Variants in HDAC9 observed in about 807,000 individuals in gnomAD.
The protein encoded by HDAC9 is histone deacetylase 9, also known as MEF-2 interacting transcription repressor (MITR) protein.
A neutral mutation model predicts 139.4 loss-of-function variants in HDAC9; 41 were observed. The observed-to-expected ratio is 0.29, with a 90% CI of 0.23 to 0.38. The LOEUF is 0.38. HDAC9 is among the 10% of genes least tolerant of loss of function. The pLI is 1.00. For synonymous variants in HDAC9, 517 were observed against 476.2 expected (o/e 1.09, Z -1.12); for missense variants, 1,147 against 1,297.0 (o/e 0.88, Z 1.78).
At chr7:18,551,066 G>A (rs1333167426) in intron 2 of HDAC9, among the ~76,000 whole-genome samples, 1 of 152,176 alleles carries the variant, frequency 6.6e-6, no homozygotes, top group African/African-American at 2.4e-5. Context: ...TTTGAAGATA[G>A]AGTCAAAGGG....
In HDAC9 at chr7:18,976,001, T is replaced by G. The variant is rs1181225504; in HGVS notation, c.3170+48T>G. ...TAATCCGGGTCAGTCATATCCAGGC[T>G]CATCGTTGATATTTGTGAATCTTCC... is the stretch of plus-strand genomic sequence containing the variant. On this transcript the variant is annotated intron_variant, in intron 25 of 25. Coordinates refer to ENST00000686413, the MANE Select transcript of HDAC9 (RefSeq NM_178425.4). 35 of 1,568,222 alleles carry G rather than the reference T, an allele frequency of 2.2e-5. No individual in the cohort carries two copies. The Admixed American group carries it at 5.0e-4, about 22-fold the overall frequency.
chr7:18,897,392 TA>T (rs1801300625), intron 22 of HDAC9, among the ~76,000 whole-genome samples: 1 of 151,978 alleles, frequency 6.6e-6, no homozygotes, highest in East Asian at 1.9e-4. Flanking sequence ...TAGGACTTTA[TA>T]ACTTTTTCCT....
chr7:18,136,378 C>A (rs1446525529), intron 1 of HDAC9, among the ~76,000 whole-genome samples: 1 of 152,088 alleles, frequency 6.6e-6, no homozygotes, highest in Non-Finnish European at 1.5e-5. Flanking sequence ...AGTCCTTGCC[C>A]ATGCCTGTGT....
At chr7:18,558,474 A>G (rs952142804) in intron 2 of HDAC9, among the ~76,000 whole-genome samples, 4 of 152,170 alleles carry the variant, frequency 2.6e-5, no homozygotes, top group African/African-American at 4.8e-5. Flanking sequence ...TGTATCCACC[A>G]TACTCTACAG....
chr7:18,722,905 T>C (rs939395170), intron 12 of HDAC9, among the ~76,000 whole-genome samples: 4 of 152,220 alleles, frequency 2.6e-5, no homozygotes, highest in African/African-American at 9.6e-5. Flanking sequence ...GTTTGGAAGA[T>C]TTAACTGTTT....
Position 18,954,186 on chromosome 7 carries a change from A to T in HDAC9, c.2978A>T (p.Asn993Ile). 6.4e-7 allele frequency: 1 copy of T among 1,571,438 alleles called. No homozygotes were observed. The highest frequency in any genetic ancestry group is 8.7e-7 in the Non-Finnish European group (1 of 1,151,618). ...GAAGATATTCTCCACCAAAGCCCGA[A>T]TATGAATGCTGTTATTTCTTTACAG... ...LAEDILHQSP[N>I]MNAVISLQKI... Residue 993 changes from asparagine (N) to isoleucine (I), a missense_variant, in exon 24 of 26, where the codon AAT (asparagine) becomes ATT (isoleucine). Physicochemically the swap from Asn to Ile is moderately radical, Grantham distance 149. Transcript: ENST00000686413.
rs141117113 is a variant in HDAC9, at chr7:18,966,644, T to C, written c.3023-9162T>C. On this transcript the variant is annotated intron_variant, in intron 24 of 25. Transcript: ENST00000686413. ...TGAACCCGGGAGGCAGAGGTTACCA[T>C]GAATGGAGATTGCACCACCGCGCTC... Among the ~76,000 whole-genome samples the C allele has an allele frequency of 2.6e-4, 39 of 152,146 alleles. No individual in the cohort carries two copies. The East Asian group carries it at 7.3e-3, about 29-fold the overall frequency.
At chr7:18,387,237 C>A (rs565870436) in intron 1 of HDAC9, among the ~76,000 whole-genome samples, 3 of 152,310 alleles carry the variant, frequency 2.0e-5, no homozygotes, top group African/African-American at 7.2e-5. Flanking sequence ...CCACAGCTTT[C>A]TGTCCATCAC....
At chr7:18,265,729 A>G (rs1168922572) in intron 2 of HDAC9, among the ~76,000 whole-genome samples, 1 of 152,162 alleles carries the variant, frequency 6.6e-6, no homozygotes, top group Non-Finnish European at 1.5e-5. Flanking sequence ...CAGTGTTTGC[A>G]TTGTTGCAAA....
chr7:18,827,531 T>A (rs905699572), intron 17 of HDAC9, among the ~76,000 whole-genome samples: 5 of 152,168 alleles, frequency 3.3e-5, no homozygotes. Context: ...AAAATTTAAT[T>A]TCCAGGGTAG....
At chr7:18,645,046 A>AT (rs1786936498) in intron 9 of HDAC9, among the ~76,000 whole-genome samples, 1 of 152,100 alleles carries the variant, frequency 6.6e-6, no homozygotes, top group Non-Finnish European at 1.5e-5. Flanking sequence ...TTAAAAAAAA[A>AT]GCACTTTCCA....
chr7:18,275,735 G>A (rs1305460568), intron 2 of HDAC9, among the ~76,000 whole-genome samples: 4 of 151,932 alleles, frequency 2.6e-5, no homozygotes, highest in African/African-American at 7.3e-5. Context: ...TCCCTTCCTC[G>A]GGTGTTTTCT....
intron 19 of HDAC9, among the ~76,000 whole-genome samples, chr7:18,830,726 T>C (rs1251986461): frequency 2.0e-5 from 3 of 152,188 alleles, no homozygotes; most frequent in Non-Finnish European, 4.4e-5. Flanking sequence ...GCAAGCACTT[T>C]GGAGAGAAGA....
intron 2 of HDAC9, among the ~76,000 whole-genome samples, chr7:18,540,111 A>G (rs1016747060): frequency 3.3e-5 from 5 of 150,096 alleles, no homozygotes; most frequent in Admixed American, 6.6e-5. Context: ...TACAAAAAAA[A>G]AAAAAAAAAA....
chr7:18,709,218 G>A (rs115777273), intron 12 of HDAC9, among the ~76,000 whole-genome samples: 7,669 of 151,958 alleles, frequency 0.05, 532 homozygotes, highest in African/African-American at 0.16. Context: ...GCAGGCCCTG[G>A]TGTGTGTGTA....
At chr7:18,576,692 A>G (rs973372040) in intron 2 of HDAC9, among the ~76,000 whole-genome samples, 1 of 151,898 alleles carries the variant, frequency 6.6e-6, no homozygotes, top group Non-Finnish European at 1.5e-5. Context: ...AGGAAAGATA[A>G]TTTCTATCAA....
In HDAC9 at chr7:18,570,386, A is replaced by G. The variant is rs762684987; in HGVS notation, c.23-14895A>G. 5.2e-5 allele frequency among the ~76,000 whole-genome samples: 8 copies of G among 152,388 alleles called. No individual in the cohort carries two copies. The South Asian group carries it at 8.3e-4, about 16-fold the overall frequency. Reference sequence around the variant, plus strand: ...GTCAAAATATGAAGAAATATATTCAATTACACATATCTCTGTGGAATATAT... The same window carrying G: ...GTCAAAATATGAAGAAATATATTCAGTTACACATATCTCTGTGGAATATAT... On this transcript the variant is annotated intron_variant, in intron 2 of 25. Transcript: ENST00000686413.
At chr7:18,582,711 C>T (rs1828203029) in intron 2 of HDAC9, among the ~76,000 whole-genome samples, 1 of 152,044 alleles carries the variant, frequency 6.6e-6, no homozygotes, top group African/African-American at 2.4e-5. Context: ...GTAAATAATA[C>T]GACATTGAAC....
intron 25 of HDAC9, among the ~76,000 whole-genome samples, chr7:18,991,384 T>TA (rs1465617977): frequency 3.3e-5 from 5 of 152,212 alleles, no homozygotes; most frequent in Non-Finnish European, 7.3e-5. Flanking sequence ...CTCATGCCTG[T>TA]AATCCCAGTG....
Sources: allele counts gnomAD v4.1 joint callset (sites outside exome capture counted in the v4.1 genomes callset), GRCh38; gene constraint gnomAD v4.1.1; transcripts MANE v1.5; gene names NCBI Gene and HGNC (gene_info 2026-07-23, HGNC 2026-07-21).